RIT2: variants seen among roughly 807,000 people sequenced by gnomAD.
RIT2 encodes the protein Ras like without CAAX 2.
In RIT2, 24 loss-of-function variants were observed where a neutral mutation model predicts 23.7. The observed-to-expected ratio is 1.01, with a 90% CI of 0.73 to 1.43. RIT2 has a LOEUF of 1.43. RIT2 is among the 40% of genes most tolerant of loss of function. The probability of loss-of-function intolerance (pLI) is 0.00; values close to 1 mark genes in which losing one functional copy is unlikely to be tolerated. For synonymous variants in RIT2, 107 were observed against 91.1 expected, an observed-to-expected ratio of 1.17 and a Z score of -0.99; for missense variants, 236 against 266.9, an observed-to-expected ratio of 0.88 and a Z score of 0.81.
At chr18:42,974,468 C>T (rs577439762) in intron 2 of RIT2, among the ~76,000 whole-genome samples, 3 of 152,072 alleles carry the variant, frequency 2.0e-5, no homozygotes, top group Admixed American at 6.6e-5. Flanking sequence ...TGCATCCTAT[C>T]ACCTTAATGG....
intron 1 of RIT2, among the ~76,000 whole-genome samples, chr18:43,070,078 A>G (rs757517112): frequency 7.4e-4 from 113 of 152,208 alleles, no homozygotes; most frequent in Non-Finnish European, 1.3e-3. Flanking sequence ...ATGAATGAGC[A>G]AAGCAAGGAA....
intron 4 of RIT2, among the ~76,000 whole-genome samples, chr18:42,917,321 G>A (rs748789111): frequency 3.3e-5 from 5 of 152,074 alleles, no homozygotes; most frequent in Non-Finnish European, 2.9e-5. Context: ...ATGTCATGAG[G>A]ACTCCATCAT....
chr18:42,837,498 T>C (rs1200866488), intron 4 of RIT2, among the ~76,000 whole-genome samples: 1 of 151,974 alleles, frequency 6.6e-6, no homozygotes, highest in Non-Finnish European at 1.5e-5. Context: ...TACTTTCACA[T>C]TCTATACTTT....
chr18:43,004,115 T>C (rs1911173104), intron 2 of RIT2, among the ~76,000 whole-genome samples: 1 of 151,796 alleles, frequency 6.6e-6, no homozygotes, highest in Admixed American at 6.6e-5. Flanking sequence ...AGCCTGGAGA[T>C]TTTTTCTGCT....
chr18:43,022,167 G>T (rs1420687104), intron 2 of RIT2, among the ~76,000 whole-genome samples: 4 of 152,152 alleles, frequency 2.6e-5, no homozygotes, highest in Non-Finnish European at 4.4e-5. Flanking sequence ...CATGGACAGA[G>T]CTGGAGGTCA....
intron 3 of RIT2, among the ~76,000 whole-genome samples, chr18:42,956,525 G>A (rs767073929): frequency 3.9e-5 from 6 of 152,040 alleles, no homozygotes; most frequent in East Asian, 1.9e-4. Context: ...CCATTTCGTC[G>A]GTTTGAGAGA....
rs1911684631 is a variant in RIT2 at position 43,025,192 on chromosome 18, GA to G, written c.160+8618del. Among the ~76,000 whole-genome samples, 6 of 148,972 alleles carry G rather than the reference GA, an allele frequency of 4.0e-5. No individual in the cohort carries two copies. In the South Asian group the frequency reaches 1.3e-3, roughly 32 times the overall value. On this transcript the variant is annotated intron_variant, in intron 2 of 4. Coordinates refer to ENST00000326695, the MANE Select transcript of RIT2 (RefSeq NM_002930.4). ...CACTGCACTTTCAGCCTGAGTGACA[GA>G]GTGAGATTCTGTCTAAAAAAAACAA...
chr18:42,932,328 T>C (rs1327812515), intron 3 of RIT2, among the ~76,000 whole-genome samples: 1 of 152,100 alleles, frequency 6.6e-6, no homozygotes, highest in African/African-American at 2.4e-5. Flanking sequence ...AATCCATCAA[T>C]GGGGGGAAAT....
intron 4 of RIT2, among the ~76,000 whole-genome samples, chr18:42,755,987 G>C (rs1295584820): frequency 5.3e-5 from 8 of 152,002 alleles, no homozygotes; most frequent in South Asian, 2.1e-4. Context: ...GGGATGCTGG[G>C]GGAATAGGAA....
chr18:42,965,065 T>TTGCAAA (rs1910183470), intron 3 of RIT2, among the ~76,000 whole-genome samples: 2 of 152,226 alleles, frequency 1.3e-5, no homozygotes, highest in African/African-American at 4.8e-5. Context: ...CTTGGCTATG[T>TTGCAAA]TGCAAATGTC....
At chr18:42,914,486 C>T (rs980071243) in intron 4 of RIT2, among the ~76,000 whole-genome samples, 3 of 152,062 alleles carry the variant, frequency 2.0e-5, no homozygotes, top group African/African-American at 7.2e-5. Flanking sequence ...ATAACAAAAA[C>T]TTGGATATAA....
At chr18:43,015,284 C>T (rs1911447857) in intron 2 of RIT2, among the ~76,000 whole-genome samples, 1 of 151,516 alleles carries the variant, frequency 6.6e-6, no homozygotes, top group African/African-American at 2.4e-5. Context: ...TAAAAAGAGT[C>T]AAGGATGACC....
At chr18:42,909,790 A>C (rs888989295) in intron 4 of RIT2, among the ~76,000 whole-genome samples, 14 of 152,106 alleles carry the variant, frequency 9.2e-5, no homozygotes, top group Non-Finnish European at 1.5e-4. Context: ...TAAACTAAAA[A>C]AAAAAATTAT....
intron 4 of RIT2, among the ~76,000 whole-genome samples, chr18:42,852,020 G>A (rs1907067131): frequency 6.6e-6 from 1 of 151,946 alleles, no homozygotes; most frequent in African/African-American, 2.4e-5. Context: ...CAGACACCAG[G>A]GTAGTGAGTC....
chr18:42,804,016 G>A lies in RIT2; in HGVS notation c.427-60296C>T, dbSNP rs185835551. On this transcript the variant is annotated intron_variant, in intron 4 of 4. Transcript: ENST00000326695. ...CAAGCCTAAAAGGAAAACATGAGCC[G>A]AAAGGACTTGACACATACTTATTAG... Among the ~76,000 whole-genome samples the A allele has an allele frequency of 7.1e-3, 1,079 of 152,208 alleles. 4 individuals carry two copies. The highest frequency in any genetic ancestry group is 0.01 in the Middle Eastern group (3 of 294).
intron 1 of RIT2, among the ~76,000 whole-genome samples, chr18:43,109,611 A>T (rs1330690806): frequency 6.6e-6 from 1 of 152,130 alleles, no homozygotes; most frequent in East Asian, 1.9e-4. Context: ...CAACTTTCAC[A>T]TCTCTTATAG....
At chr18:42,932,780 C>T (rs997854602) in intron 3 of RIT2, among the ~76,000 whole-genome samples, 1 of 152,092 alleles carries the variant, frequency 6.6e-6, no homozygotes, top group African/African-American at 2.4e-5. Flanking sequence ...TTCTACATCA[C>T]ATGGGTAGCT....
chr18:43,025,914 G>A (rs918873240), intron 2 of RIT2, among the ~76,000 whole-genome samples: 2 of 151,366 alleles, frequency 1.3e-5, no homozygotes, highest in Non-Finnish European at 3.0e-5. Flanking sequence ...TACACTAAAA[G>A]ACCAGACTTC....
At chr18:43,099,474 T>A (rs1029359728) in intron 1 of RIT2, among the ~76,000 whole-genome samples, 19 of 152,186 alleles carry the variant, frequency 1.2e-4, no homozygotes, top group African/African-American at 4.3e-4. Context: ...AAACTATCAG[T>A]CTTTTTGTTA....
Sources: allele counts gnomAD v4.1 joint callset (sites outside exome capture counted in the v4.1 genomes callset), GRCh38; gene constraint gnomAD v4.1.1; transcripts MANE v1.5; gene names NCBI Gene and HGNC (gene_info 2026-07-23, HGNC 2026-07-21).